Variants in GRTP1 observed in about 807,000 individuals in gnomAD.
GRTP1 encodes growth hormone-regulated TBC protein 1.
Under a neutral mutation model 38.1 loss-of-function variants are expected in GRTP1, and 56 were observed. The ratio of observed to expected loss-of-function variants is 1.47; its 90% confidence interval spans 1.19 to 1.84. The LOEUF is 1.84. GRTP1 is among the 40% of genes most tolerant of loss of function. The pLI is 0.00. For missense variants in GRTP1, 506 were observed against 453.9 expected (o/e 1.11, Z -1.04); for synonymous variants, 217 against 189.5 (o/e 1.14, Z -1.19).
chr13:113,352,334 ATT>A (rs1281045188), intron 3 of GRTP1, among the ~76,000 whole-genome samples: 4 of 74,134 alleles, frequency 5.4e-5, no homozygotes, highest in South Asian at 4.0e-4. Flanking sequence ...TTTTATATAT[ATT>A]TTATATATAT....
Position 113,330,751 on chromosome 13 carries a change from C to A in GRTP1, c.563-4660G>T, listed in dbSNP as rs1194918041. Among the ~76,000 whole-genome samples, 15 of 16,288 alleles carry A rather than the reference C, an allele frequency of 9.2e-4. 7 individuals are homozygous for A. The highest frequency in any genetic ancestry group is 4.5e-3 in the South Asian group (2 of 446). The allele number at this position is 16,288 out of a possible 152,430, so 10.7% of individuals were successfully genotyped here. On this transcript the variant is annotated intron_variant, in intron 5 of 7. Coordinates refer to ENST00000375431, the MANE Select transcript of GRTP1 (RefSeq NM_024719.4). ...GGAAACCCAGGTGTGTGCATGGGAG[C>A]CCAGGTGTGTGCGTGGAAACTCAGG...
chr13:113,351,222 G>C (rs1033564150), intron 3 of GRTP1, among the ~76,000 whole-genome samples: 1 of 152,120 alleles, frequency 6.6e-6, no homozygotes, highest in Non-Finnish European at 1.5e-5. Context: ...ACAGCAGAGC[G>C]ACCCCAGAGC....
At chr13:113,361,665 G>A (rs1392692459) in intron 2 of GRTP1, 1 of 152,186 alleles carries the variant, frequency 6.6e-6, no homozygotes, top group African/African-American at 2.4e-5. Flanking sequence ...TGCTCCTGAG[G>A]GGGACGGAAG....
chr13:113,344,969 G>T lies in GRTP1; in HGVS notation c.466-10C>A. ...CTATAAAATTCATTCCCTGAAATTA[G>T]AAAAATGAGAAACAAATTCACATTG... On this transcript the variant is annotated splice_polypyrimidine_tract_variant and intron_variant, in intron 4 of 7. Coordinates refer to ENST00000375431, the MANE Select transcript of GRTP1 (RefSeq NM_024719.4). The T allele has an allele frequency of 6.3e-7, 1 of 1,586,808 alleles. No homozygotes were observed.
At chr13:113,326,450 A>T (rs1352111683) in intron 5 of GRTP1, among the ~76,000 whole-genome samples, 1 of 140,012 alleles carries the variant, frequency 7.1e-6, no homozygotes, top group Non-Finnish European at 1.5e-5. Context: ...CGGGTGGATC[A>T]CCTAAAGTCA....
rs745534119 is a variant in GRTP1, at chr13:113,324,585, G to GCAAA, written c.922-12_922-9dup. On this transcript the variant is annotated splice_polypyrimidine_tract_variant and intron_variant, in intron 7 of 7. Transcript: ENST00000375431. ...AGGTTCTGAAAATATTTTCTGGAAG[G>GCAAA]CAAACAGTTAGTTTAAAAACAAACC... The GCAAA allele has an allele frequency of 9.4e-6, 15 of 1,597,778 alleles. No homozygotes were observed. The highest frequency in any genetic ancestry group is 9.1e-5 in the South Asian group (8 of 88,314).
chr13:113,349,592 C>T lies in GRTP1; in HGVS notation c.465+1257G>A, dbSNP rs1439063866. On this transcript the variant is annotated intron_variant, in intron 4 of 7. Transcript: ENST00000375431. The surrounding 1 kb of genome is among the most constrained non-coding windows in gnomAD (Gnocchi z 5.0). ...GGGACTCTCCCAGCTTCACCCGACA[C>T]GGCACTGCCAGCCAGCTACAGAGCC... 2.6e-5 allele frequency among the ~76,000 whole-genome samples: 4 copies of T among 152,202 alleles called. No homozygotes were observed. Among genetic ancestry groups the T allele is most frequent in the African/African-American group, 9.7e-5 (4 of 41,442 alleles).
intron 2 of GRTP1, among the ~76,000 whole-genome samples, chr13:113,357,441 C>CAA (rs368660991): frequency 0.52 from 50,422 of 97,458 alleles, 13,822 homozygotes; most frequent in South Asian, 0.63. Flanking sequence ...GACACTGCCT[C>CAA]AAAAAAAAAA....
chr13:113,352,875 A>C (rs569205152), intron 3 of GRTP1, among the ~76,000 whole-genome samples: 1 of 152,362 alleles, frequency 6.6e-6, no homozygotes, highest in East Asian at 1.9e-4. Flanking sequence ...TCATGGATCC[A>C]GCAGCCCCAC....
chr13:113,363,655 G>T, intron 2 of GRTP1, 107 bp downstream of exon 2: 1 of 1,188,112 alleles, frequency 8.4e-7, no homozygotes, highest in Non-Finnish European at 1.2e-6. Context: ...GACCTGCCCG[G>T]AAAGGTTCCT....
In GRTP1 at chr13:113,363,805, C is replaced by A. The variant is rs554894800; in HGVS notation, c.138G>T (p.Trp46Cys). 1.9e-6 allele frequency: 3 copies of A among 1,611,758 alleles called. No homozygotes were observed. The African/African-American group carries it at 4.0e-5, about 21-fold the overall frequency. Residue 46 changes from tryptophan (W) to cysteine (C), a missense_variant, in exon 2 of 8, where the codon TGG (tryptophan) becomes TGT (cysteine). Physicochemically the swap from Trp to Cys is radical, Grantham distance 215 (BLOSUM62 -2). Coordinates refer to ENST00000375431, the MANE Select transcript of GRTP1 (RefSeq NM_024719.4). ...LVTLTRRAIK[W>C]SRLLQGGGVP... ...CGCCCCCGCCCTGCAGCAGCCGGGACCATTTGATCGCCCTGCGGGTGAGCG... is the reference window on the plus strand; with the variant it reads ...CGCCCCCGCCCTGCAGCAGCCGGGAACATTTGATCGCCCTGCGGGTGAGCG...
intron 7 of GRTP1, 28 bp from the exon 8 acceptor site, chr13:113,324,605 C>T: frequency 6.4e-7 from 1 of 1,573,564 alleles, no homozygotes; most frequent in Non-Finnish European, 8.6e-7. Context: ...AGTTTAAAAA[C>T]AAACCCAACA....
At chr13:113,330,026 T>C (rs559732918) in intron 5 of GRTP1, among the ~76,000 whole-genome samples, 62 of 149,770 alleles carry the variant, frequency 4.1e-4, no homozygotes, top group African/African-American at 1.5e-3. Flanking sequence ...GGTGCGTACA[T>C]GGAAACCCAG....
At position 113,326,042 on chromosome 13, in the gene GRTP1, G is replaced by A. The variant is rs1429423706; in HGVS notation, c.612C>T (p.Leu204=). Residue 204 remains leucine (L), a synonymous_variant, in exon 6 of 8, where the codon CTC becomes CTT. Transcript: ENST00000375431. ...GCAGCTTCGCCCGCACCAGCTCCCC[G>A]AGGACCTCCTGGTCGGTCTTCAGGC... The part of the protein sequence containing the change: ...MLGLKTDQEV[L]GELVRAKLPA... 6.2e-6 allele frequency: 10 copies of A among 1,613,036 alleles called. No individual in the cohort carries two copies. Among genetic ancestry groups the A allele is most frequent in the Non-Finnish European group, 8.5e-6 (10 of 1,179,978 alleles).
At position 113,331,497 on chromosome 13, in the gene GRTP1, C is replaced by G. The variant is rs534046384; in HGVS notation, c.563-5406G>C. Among the ~76,000 whole-genome samples the G allele has an allele frequency of 5.3e-5, 8 of 152,252 alleles. No homozygotes were observed. In the South Asian group the frequency reaches 1.0e-3, roughly 20 times the overall value. On this transcript the variant is annotated intron_variant, in intron 5 of 7. Transcript: ENST00000375431. The stretch of plus-strand genomic sequence containing the variant: ...AGCCACCCGGGTGCCCACCCAGCAG[C>G]TGCGCACCCCCACTGCCCGAGCCAG...
At chr13:113,327,531 G>A (rs78400877) in intron 5 of GRTP1, among the ~76,000 whole-genome samples, 1,633 of 152,272 alleles carry the variant, frequency 0.011, 22 homozygotes, top group African/African-American at 0.038. Context: ...AAACACTGAC[G>A]CAACATCACG....
chr13:113,353,453 G>A (rs1231016983), intron 3 of GRTP1, among the ~76,000 whole-genome samples: 1 of 152,268 alleles, frequency 6.6e-6, no homozygotes, highest in Non-Finnish European at 1.5e-5. Flanking sequence ...TGTCACACAA[G>A]ATGCAGTACA....
Position 113,324,269 on chromosome 13 carries a change from AAAT to A in GRTP1, c.*216_*218del, listed in dbSNP as rs1477201257. 48 of 562,098 alleles carry A rather than the reference AAAT, an allele frequency of 8.5e-5. No homozygotes were observed. In the Admixed American group the frequency reaches 1.0e-3, roughly 12 times the overall value. 34.8% of individuals were successfully genotyped at this position (562,098 alleles called of 1,614,324 possible). ...TATATATTATTGATCTCTCAGGTAA[AAAT>A]AAGTTTTCTTTAAAAAGTATGACTT... On this transcript the variant is annotated 3_prime_UTR_variant, in exon 8 of 8. Coordinates refer to ENST00000375431, the MANE Select transcript of GRTP1 (RefSeq NM_024719.4).
rs1049563450 is a variant in GRTP1 at position 113,325,696 on chromosome 13, C to T, written c.886G>A (p.Gly296Arg). The change falls in exon 7 of 8, where the codon GGG becomes AGG. Residue 296 changes from glycine to arginine, a missense_variant. Gly to Arg is a moderately radical substitution (Grantham distance 125). Coordinates refer to ENST00000375431, the MANE Select transcript of GRTP1 (RefSeq NM_024719.4). Reference sequence around the variant, plus strand: ...GTGTGACACTCCATCACGAAACTCCCTTTGGTTATCTGCTTAAACTTATCG... The same window carrying T: ...GTGTGACACTCCATCACGAAACTCCTTTTGGTTATCTGCTTAAACTTATCG... ...ICDKFKQITK[G>R]SFVMECHTFM... 1.9e-6 allele frequency: 3 copies of T among 1,614,248 alleles called. No homozygotes were observed. The highest frequency in any genetic ancestry group is 1.7e-6 in the Non-Finnish European group (2 of 1,180,040).
Sources: gnomAD v4.1 joint callset for allele counts (sites outside exome capture counted in the v4.1 genomes callset) on GRCh38, gnomAD v4.1.1 for gene constraint, Gnocchi (gnomAD v3.1) non-coding constraint, MANE v1.5 for transcripts, NCBI Gene and HGNC (gene_info 2026-07-23, HGNC 2026-07-21) for gene names.